The following PSEN1 variants were observed in gnomAD, a reference collection of about 807,000 sequenced individuals.
PSEN1 encodes presenilin-1.
In PSEN1, 15 loss-of-function variants were observed where a neutral mutation model predicts 53.5. The observed-to-expected ratio is 0.28, with a 90% CI of 0.19 to 0.43. The LOEUF is 0.43. Ranked by LOEUF, PSEN1 falls within the 20% of genes least tolerant of loss-of-function variation. The pLI, the probability that PSEN1 is intolerant of heterozygous loss-of-function variation, is 1.00. For synonymous variants in PSEN1, 208 were observed against 209.8 expected, an observed-to-expected ratio of 0.99 and a Z score of 0.08; for missense variants, 387 against 571.2, an observed-to-expected ratio of 0.68 and a Z score of 3.29.
chr14:73,214,734 C>T (rs763853152), intron 10 of PSEN1, among the ~76,000 whole-genome samples: 2 of 152,044 alleles, frequency 1.3e-5, no homozygotes, highest in African/African-American at 2.4e-5. Flanking sequence ...ATTCCACTTA[C>T]ATCAGAGTAG....
intron 7 of PSEN1, among the ~76,000 whole-genome samples, chr14:73,194,216 T>C (rs1898842643): frequency 1.3e-5 from 2 of 151,958 alleles, no homozygotes; most frequent in South Asian, 4.1e-4. Flanking sequence ...ACCCCTTCTA[T>C]ATTATAAGGC....
At chr14:73,166,063 A>ATAATAG (rs1242134903) in intron 3 of PSEN1, among the ~76,000 whole-genome samples, 2 of 151,666 alleles carry the variant, frequency 1.3e-5, no homozygotes, top group Non-Finnish European at 2.9e-5. Flanking sequence ...AATAATAATA[A>ATAATAG]TAATAATAAA....
intron 7 of PSEN1, 181 bp from the exon 8 acceptor site, chr14:73,197,850 G>A (rs1899016859): frequency 3.4e-6 from 2 of 596,686 alleles, no homozygotes; most frequent in Non-Finnish European, 3.0e-6. Flanking sequence ...TTTTGTTTAT[G>A]TTGTCTCCCC....
At chr14:73,146,862 C>G (rs1193997282) in intron 1 of PSEN1, among the ~76,000 whole-genome samples, 1 of 152,028 alleles carries the variant, frequency 6.6e-6, no homozygotes, top group Non-Finnish European at 1.5e-5. Context: ...TTCTGAAAAC[C>G]TTCTGTGAAA....
intron 10 of PSEN1, among the ~76,000 whole-genome samples, chr14:73,215,878 A>T (rs1899893925): frequency 6.6e-6 from 1 of 152,204 alleles, no homozygotes; most frequent in South Asian, 2.1e-4. Flanking sequence ...CCAGTGTGGA[A>T]TGTGATTTGG....
In PSEN1 at chr14:73,219,215, G is replaced by A. The variant is rs764128019; in HGVS notation, c.1330G>A (p.Val444Ile). The A allele has an allele frequency of 1.2e-6, 2 of 1,613,796 alleles. No individual in the cohort carries two copies. Among genetic ancestry groups the A allele is most frequent in the African/African-American group, 1.3e-5 (1 of 75,036 alleles). ...TCCAATCTCCATCACCTTTGGGCTT[G>A]TTTTCTACTTTGCCACAGATTATCT... ...ALPISITFGL[V>I]FYFATDYLVQ... The change falls in exon 12 of 12, where the codon GTT becomes ATT. Residue 444 changes from valine (V) to isoleucine (I), a missense_variant. This residue lies in a region of PSEN1 where 44 missense variants were observed against 106.3 expected (regional missense o/e 0.41). Transcript: ENST00000324501.
At chr14:73,217,082 A>G in intron 10 of PSEN1, 44 bp from the exon 11 acceptor site, 1 of 1,608,918 alleles carries the variant, frequency 6.2e-7, no homozygotes, top group Non-Finnish European at 8.5e-7. Flanking sequence ...AAATCATAGC[A>G]AAGAGTGACC....
chr14:73,219,088 T>A, intron 11 of PSEN1, 46 bp from the exon 12 acceptor site: 4 of 1,600,926 alleles, frequency 2.5e-6, no homozygotes, highest in Non-Finnish European at 3.4e-6. Context: ...CTGAAAATGC[T>A]TTCATAATTA....
chr14:73,197,951 C>G, intron 7 of PSEN1, 80 bp from the exon 8 acceptor site: 1 of 757,578 alleles, frequency 1.3e-6, no homozygotes, highest in Non-Finnish European at 2.3e-6. Context: ...TTTTTTCCTT[C>G]GTTAATTCCT....
intron 4 of PSEN1, among the ~76,000 whole-genome samples, chr14:73,173,271 A>G (rs1397469613): frequency 6.6e-6 from 1 of 152,156 alleles, no homozygotes; most frequent in Non-Finnish European, 1.5e-5. Flanking sequence ...TAGCCAAAAA[A>G]ATTTGATGAG....
intron 1 of PSEN1, among the ~76,000 whole-genome samples, chr14:73,137,870 G>C (rs214279): frequency 0.75 from 114,290 of 152,038 alleles, 44,314 homozygotes; most frequent in African/African-American, 0.93. Context: ...TCCTTGAGCT[G>C]AGGAGTTCGA....
intron 5 of PSEN1, among the ~76,000 whole-genome samples, chr14:73,184,599 G>A (rs1898396708): frequency 7.6e-6 from 1 of 131,834 alleles, no homozygotes; most frequent in Admixed American, 7.4e-5. Flanking sequence ...CGGCCGGGCA[G>A]AGGCGCCCCT....
chr14:73,192,746 T>G lies in PSEN1; in HGVS notation c.651T>G (p.Gly217=). The G allele has an allele frequency of 6.2e-7, 1 of 1,614,010 alleles. No individual in the cohort carries two copies. The highest frequency in any genetic ancestry group is 8.5e-7 in the Non-Finnish European group (1 of 1,179,882). The part of the protein sequence containing the change: ...VVGMISIHWK[G]PLRLQQAYLI... ...GAATGATTTCCATTCACTGGAAAGG[T>G]CCACTTCGACTCCAGCAGGCATATC... The change falls in exon 7 of 12, where the codon GGT becomes GGG. Residue 217 remains glycine, a synonymous_variant. Transcript: ENST00000324501.
At chr14:73,202,448 A>T (rs1371659123) in intron 8 of PSEN1, among the ~76,000 whole-genome samples, 5 of 15,132 alleles carry the variant, frequency 3.3e-4, no homozygotes, top group African/African-American at 1.1e-3. Flanking sequence ...ATATATATAT[A>T]TATATATATA....
At chr14:73,219,033 T>C (rs1467467760) in intron 11 of PSEN1, 101 bp from the exon 12 acceptor site, 2 of 1,264,346 alleles carry the variant, frequency 1.6e-6, no homozygotes, top group Middle Eastern at 1.9e-4. Context: ...AAGGAAAATA[T>C]TCAGTTAACT....
intron 7 of PSEN1, among the ~76,000 whole-genome samples, chr14:73,194,249 T>C (rs904279026): frequency 6.6e-6 from 1 of 151,612 alleles, no homozygotes; most frequent in South Asian, 2.1e-4. Context: ...CTTTTTTTTT[T>C]CTTTTTGTTT....
intron 6 of PSEN1, among the ~76,000 whole-genome samples, chr14:73,187,161 T>G (rs1208318479): frequency 1.3e-5 from 2 of 152,234 alleles, no homozygotes; most frequent in African/African-American, 4.8e-5. Flanking sequence ...TTCTAAGCCT[T>G]TTTGAAGATT....
At chr14:73,187,736 A>C (rs1481152339) in intron 6 of PSEN1, among the ~76,000 whole-genome samples, 1 of 152,178 alleles carries the variant, frequency 6.6e-6, no homozygotes, top group Admixed American at 6.6e-5. Flanking sequence ...TAAACCTTTA[A>C]GGAATGGTAA....
intron 9 of PSEN1, 31 bp downstream of exon 9, chr14:73,206,503 T>A (rs756539660): frequency 1.2e-5 from 17 of 1,453,050 alleles, no homozygotes; most frequent in Non-Finnish European, 1.6e-5. Flanking sequence ...AATATCTTGA[T>A]TTTTCAGGGT....
Sources: allele counts gnomAD v4.1 joint callset (sites outside exome capture counted in the v4.1 genomes callset), GRCh38; gene constraint gnomAD v4.1.1; regional missense constraint gnomAD v4.1.1; transcripts MANE v1.5; gene names NCBI Gene and HGNC (gene_info 2026-07-23, HGNC 2026-07-21).